SYN3: variants seen among roughly 807,000 people sequenced by gnomAD.
SYN3 encodes the protein synapsin-3.
A neutral mutation model predicts 65.8 loss-of-function variants in SYN3; 35 were observed. The observed-to-expected ratio is 0.53, with a 90% CI of 0.41 to 0.70. The LOEUF is 0.70. SYN3 is among the 30% of genes least tolerant of loss of function. SYN3 has a pLI of 0.00. For synonymous variants in SYN3, 270 were observed against 292.9 expected (o/e 0.92, Z 0.80); for missense variants, 680 against 749.0 (o/e 0.91, Z 1.08).
At chr22:32,852,319 C>T (rs1482562567) in intron 6 of SYN3, among the ~76,000 whole-genome samples, 1 of 152,158 alleles carries the variant, frequency 6.6e-6, no homozygotes, top group African/African-American at 2.4e-5. Flanking sequence ...ATATAAATGC[C>T]CACTCCATAT....
chr22:32,942,794 G>A (rs575774594), intron 3 of SYN3, among the ~76,000 whole-genome samples: 19 of 152,292 alleles, frequency 1.2e-4, no homozygotes, highest in Middle Eastern at 3.4e-3. Context: ...ACTACGTGAC[G>A]AATGCACTAG....
chr22:33,003,122 T>A (rs1330275580), intron 2 of SYN3, among the ~76,000 whole-genome samples: 1 of 152,148 alleles, frequency 6.6e-6, no homozygotes, highest in Non-Finnish European at 1.5e-5. Flanking sequence ...GAACTGTGAG[T>A]CAATTAAACC....
chr22:32,833,960 G>A (rs962860560), intron 6 of SYN3: 2 of 481,576 alleles, frequency 4.2e-6, no homozygotes, highest in African/African-American at 2.0e-5. Flanking sequence ...GGAAAGTGGG[G>A]AACTACCCAC....
At chr22:33,016,275 C>T (rs470009) in intron 1 of SYN3, among the ~76,000 whole-genome samples, 128,099 of 152,214 alleles carry the variant, frequency 0.84, 54,157 homozygotes, top group African/African-American at 0.92. Context: ...CTGGTAATGA[C>T]TTAAATGTAG....
intron 7 of SYN3, among the ~76,000 whole-genome samples, chr22:32,586,161 CACAT>C (rs1283203011): frequency 2.5e-4 from 37 of 150,580 alleles, no homozygotes; most frequent in Non-Finnish European, 4.3e-4. Context: ...TACACACAAA[CACAT>C]GCACACACAT....
chr22:32,522,837 T>C (rs1168008388), intron 12 of SYN3, among the ~76,000 whole-genome samples: 1 of 152,094 alleles, frequency 6.6e-6, no homozygotes, highest in Non-Finnish European at 1.5e-5. Context: ...CCCCGAGAAG[T>C]AATATGACTT....
At chr22:32,598,297 C>A (rs993065326) in intron 6 of SYN3, among the ~76,000 whole-genome samples, 1 of 152,124 alleles carries the variant, frequency 6.6e-6, no homozygotes, top group African/African-American at 2.4e-5. Flanking sequence ...TCTCATTTTA[C>A]CCCCACACTG....
intron 4 of SYN3, among the ~76,000 whole-genome samples, chr22:32,875,138 G>A (rs2048949892): frequency 6.6e-6 from 1 of 152,226 alleles, no homozygotes; most frequent in African/African-American, 2.4e-5. Context: ...AAATTAGGTG[G>A]CAGCCAACCA....
At chr22:33,018,974 A>T (rs2053516946) in intron 1 of SYN3, among the ~76,000 whole-genome samples, 1 of 152,112 alleles carries the variant, frequency 6.6e-6, no homozygotes, top group Non-Finnish European at 1.5e-5. Flanking sequence ...CCTACCATAG[A>T]CTTGGTTCAC....
chr22:32,835,013 G>T (rs1056220410), intron 6 of SYN3, among the ~76,000 whole-genome samples: 1 of 152,188 alleles, frequency 6.6e-6, no homozygotes, highest in South Asian at 2.1e-4. Context: ...GTCAGTCTTG[G>T]TCTGATTGCT....
At position 33,046,004 on chromosome 22, in the gene SYN3, TA is replaced by T. The variant is rs561865469; in HGVS notation, c.-163+12287del. ...AAAGCTCAACAATAAAAAAAGCAAT[TA>T]AAAAAAAAAACAAAAAACGTGTAAT... is the stretch of plus-strand genomic sequence containing the variant. On this transcript the variant is annotated intron_variant, in intron 1 of 13. Transcript: ENST00000358763. Among the ~76,000 whole-genome samples the T allele has an allele frequency of 2.0e-3, 286 of 139,880 alleles. 3 individuals carry two copies. The Middle Eastern group carries it at 0.021, about 10-fold the overall frequency. 91.8% of individuals were successfully genotyped at this position (139,880 alleles called of 152,430 possible).
chr22:32,599,580 C>T (rs2059252490), intron 6 of SYN3, among the ~76,000 whole-genome samples: 1 of 152,120 alleles, frequency 6.6e-6, no homozygotes, highest in African/African-American at 2.4e-5. Context: ...CTCAGCCTCC[C>T]AAAGTGCTGG....
chr22:32,650,077 G>A lies in SYN3; in HGVS notation c.712-53341C>T, dbSNP rs149568696. 7.2e-5 allele frequency among the ~76,000 whole-genome samples: 11 copies of A among 152,114 alleles called. No individual in the cohort carries two copies. In the East Asian group the frequency reaches 1.4e-3, roughly 19 times the overall value. ...ATAGAACTCTTCCCCCAATTCCCCCGCTCTGTGAGTTATCCCATCATAAGA... is the reference window on the plus strand; with the variant it reads ...ATAGAACTCTTCCCCCAATTCCCCCACTCTGTGAGTTATCCCATCATAAGA... On this transcript the variant is annotated intron_variant, in intron 6 of 13. Coordinates refer to ENST00000358763, the MANE Select transcript of SYN3 (RefSeq NM_003490.4).
intron 6 of SYN3, among the ~76,000 whole-genome samples, chr22:32,708,596 G>A (rs1448277789): frequency 6.6e-6 from 1 of 152,182 alleles, no homozygotes; most frequent in Admixed American, 6.5e-5. Flanking sequence ...GCCCTTTGGG[G>A]ACCCTACCCG....
Position 32,623,798 on chromosome 22 carries a change from G to T in SYN3, c.712-27062C>A, listed in dbSNP as rs184948229. Among the ~76,000 whole-genome samples, 332 of 152,302 alleles carry T rather than the reference G, an allele frequency of 2.2e-3. 2 individuals are homozygous for T. The highest frequency in any genetic ancestry group is 4.4e-4 in the Non-Finnish European group (30 of 68,024). The stretch of plus-strand genomic sequence containing the variant: ...ATGGCATTTTTCTAATAATAAGAGG[G>T]GACTTGGGTCCAGGGTGGGGTGGCT... On this transcript the variant is annotated intron_variant, in intron 6 of 13. Transcript: ENST00000358763.
At chr22:32,777,974 A>G (rs1382614942) in intron 6 of SYN3, among the ~76,000 whole-genome samples, 12 of 152,176 alleles carry the variant, frequency 7.9e-5, no homozygotes, top group Admixed American at 7.9e-4. Context: ...GAGGTATGTG[A>G]GGCTTCCAGT....
intron 6 of SYN3, among the ~76,000 whole-genome samples, chr22:32,742,536 T>A (rs1217674433): frequency 6.6e-6 from 1 of 152,126 alleles, no homozygotes; most frequent in African/African-American, 2.4e-5. Context: ...GACACTGCTG[T>A]TTGAATACCT....
At chr22:33,022,723 G>A (rs112119476) in intron 1 of SYN3, among the ~76,000 whole-genome samples, 3 of 152,232 alleles carry the variant, frequency 2.0e-5, no homozygotes, top group African/African-American at 7.2e-5. Context: ...GGGTCTCCTC[G>A]AAGTCAAGAG....
At chr22:32,520,320 A>G (rs2710364) in intron 12 of SYN3, among the ~76,000 whole-genome samples, 7,780 of 149,188 alleles carry the variant, frequency 0.052, 676 homozygotes, top group African/African-American at 0.18. Flanking sequence ...TTTTTTTTGT[A>G]GAGATGGGGT....
Sources: allele counts gnomAD v4.1 joint callset (sites outside exome capture counted in the v4.1 genomes callset), GRCh38; gene constraint gnomAD v4.1.1; transcripts MANE v1.5; gene names NCBI Gene and HGNC (gene_info 2026-07-23, HGNC 2026-07-21).